Variants in TRAPPC8 observed in about 807,000 individuals in gnomAD.
The protein encoded by TRAPPC8 is general sporulation gene 1 homolog.
In TRAPPC8, 54 loss-of-function variants were observed where a neutral mutation model predicts 174.3. That is an observed-to-expected ratio of 0.31 (90% CI 0.25 to 0.39). The LOEUF is 0.39. Ranked by LOEUF, TRAPPC8 falls within the 10% of genes least tolerant of loss-of-function variation. TRAPPC8 has a pLI of 1.00. For missense variants in TRAPPC8, 1,531 were observed against 1,699.1 expected (o/e 0.90, Z 1.74); for synonymous variants, 630 against 579.9 (o/e 1.09, Z -1.24).
At chr18:31,881,144 T>C (rs2035431914) in intron 12 of TRAPPC8, among the ~76,000 whole-genome samples, 1 of 152,094 alleles carries the variant, frequency 6.6e-6, no homozygotes, top group African/African-American at 2.4e-5. Flanking sequence ...AAAAAACTAT[T>C]CTAAAATTCA....
intron 20 of TRAPPC8, among the ~76,000 whole-genome samples, chr18:31,856,423 G>A (rs1363312914): frequency 1.3e-5 from 2 of 149,276 alleles, no homozygotes; most frequent in Non-Finnish European, 3.0e-5. Context: ...CAGCCATATT[G>A]GTCAGGCTGG....
intron 1 of TRAPPC8, among the ~76,000 whole-genome samples, chr18:31,932,265 A>G (rs1420789088): frequency 1.3e-5 from 2 of 152,100 alleles, no homozygotes; most frequent in Admixed American, 6.6e-5. Flanking sequence ...GTCTCTAGTA[A>G]AAATACAAAA....
At chr18:31,889,982 A>G (rs2035884584) in intron 12 of TRAPPC8, among the ~76,000 whole-genome samples, 1 of 152,246 alleles carries the variant, frequency 6.6e-6, no homozygotes, top group Non-Finnish European at 1.5e-5. Context: ...TAGTAAATTC[A>G]TATTAACTAA....
At chr18:31,839,591 T>A in intron 26 of TRAPPC8, 134 bp from the exon 27 acceptor site, 1 of 722,034 alleles carries the variant, frequency 1.4e-6, no homozygotes, top group African/African-American at 1.8e-5. Context: ...TTTCTGCTGT[T>A]AAGCTAATAG....
intron 20 of TRAPPC8, among the ~76,000 whole-genome samples, chr18:31,856,201 A>G (rs1391916947): frequency 1.3e-5 from 2 of 151,948 alleles, no homozygotes; most frequent in Admixed American, 6.6e-5. Flanking sequence ...TCTGCCTCCC[A>G]GATCAAGCGA....
chr18:31,907,701 G>A, intron 8 of TRAPPC8, 91 bp from the exon 9 acceptor site: 1 of 1,113,920 alleles, frequency 9.0e-7, no homozygotes, highest in Non-Finnish European at 1.2e-6. Flanking sequence ...TGTTCTTCTA[G>A]AATATGAAGA....
At position 31,896,896 on chromosome 18, in the gene TRAPPC8, T is replaced by C. The variant is rs568522157; in HGVS notation, c.1596+890A>G. ...GCCTCGGCCTCCCAGAGTGCTAGGA[T>C]TACAGGCATGAGCCATCATGCCTGG... On this transcript the variant is annotated intron_variant, in intron 11 of 28. Transcript: ENST00000283351. 3.0e-3 allele frequency among the ~76,000 whole-genome samples: 458 copies of C among 152,298 alleles called. 6 individuals are homozygous for C. The highest frequency in any genetic ancestry group is 0.011 in the African/African-American group (443 of 41,562).
At chr18:31,906,304 GAAAAAAAA>G (rs560619669) in intron 9 of TRAPPC8, among the ~76,000 whole-genome samples, 3 of 91,168 alleles carry the variant, frequency 3.3e-5, no homozygotes, top group African/African-American at 1.2e-4. Context: ...CTGTCTCCAG[GAAAAAAAA>G]AAAAAAAAAA....
chr18:31,892,237 G>C (rs1421080950), intron 11 of TRAPPC8, among the ~76,000 whole-genome samples: 1 of 152,076 alleles, frequency 6.6e-6, no homozygotes. Context: ...CAGCTTAATA[G>C]TGTTGTGTCA....
At chr18:31,887,014 C>G (rs1490654376) in intron 12 of TRAPPC8, among the ~76,000 whole-genome samples, 6 of 152,088 alleles carry the variant, frequency 3.9e-5, no homozygotes, top group African/African-American at 1.4e-4. Flanking sequence ...CATGAATTCT[C>G]AAATAGAGGA....
rs935116229 is a variant in TRAPPC8 at position 31,937,188 on chromosome 18, G to T, written c.157+5420C>A. ...GAGACGCACCACTGCACTCCAGCCTGGGTGACAGAGCGAGACTCCGTCTCA... is the reference window on the plus strand; with the variant it reads ...GAGACGCACCACTGCACTCCAGCCTTGGTGACAGAGCGAGACTCCGTCTCA... On this transcript the variant is annotated intron_variant, in intron 1 of 28. Transcript: ENST00000283351. Among the ~76,000 whole-genome samples the T allele has an allele frequency of 1.2e-4, 19 of 152,306 alleles. No individual in the cohort carries two copies. In the East Asian group the frequency reaches 3.1e-3, roughly 25 times the overall value.
intron 5 of TRAPPC8, among the ~76,000 whole-genome samples, chr18:31,910,307 A>C (rs547819933): frequency 1.3e-5 from 2 of 152,300 alleles, no homozygotes; most frequent in East Asian, 3.9e-4. Flanking sequence ...AAAAATACCC[A>C]GACTACTCTA....
chr18:31,919,215 C>T (rs2037270992), intron 2 of TRAPPC8, among the ~76,000 whole-genome samples: 1 of 152,140 alleles, frequency 6.6e-6, no homozygotes, highest in Admixed American at 6.6e-5. Flanking sequence ...ATGGGCAGGG[C>T]ATGGCGTTTC....
At chr18:31,930,264 C>T (rs1319403208) in intron 2 of TRAPPC8, among the ~76,000 whole-genome samples, 1 of 151,856 alleles carries the variant, frequency 6.6e-6, no homozygotes, top group African/African-American at 2.4e-5. Context: ...GGATTACAGG[C>T]ACCTGCCACC....
chr18:31,905,727 G>A (rs1411124902), intron 9 of TRAPPC8, among the ~76,000 whole-genome samples: 1 of 152,048 alleles, frequency 6.6e-6, no homozygotes, highest in East Asian at 1.9e-4. Flanking sequence ...AGCTTTTAAA[G>A]GCTAAGTGAT....
intron 9 of TRAPPC8, among the ~76,000 whole-genome samples, chr18:31,904,767 C>T (rs2036587614): frequency 2.0e-5 from 3 of 152,054 alleles, no homozygotes; most frequent in South Asian, 4.1e-4. Flanking sequence ...CAGTGGATCA[C>T]GCCTGTAATT....
chr18:31,836,207 T>C (rs969833927), intron 27 of TRAPPC8, among the ~76,000 whole-genome samples: 1 of 152,184 alleles, frequency 6.6e-6, no homozygotes, highest in Non-Finnish European at 1.5e-5. Context: ...GCCCAAGCAT[T>C]GGAAATGTCA....
chr18:31,909,704 G>C lies in TRAPPC8; in HGVS notation c.828C>G (p.Asn276Lys), dbSNP rs1200666515. Residue 276 changes from asparagine (N) to lysine (K), a missense_variant, in exon 6 of 29, where the codon AAC becomes AAG. Physicochemically the swap from Asn to Lys is moderately conservative, Grantham distance 94 (BLOSUM62 0). Coordinates refer to ENST00000283351, the MANE Select transcript of TRAPPC8 (RefSeq NM_014939.5). Reference sequence around the variant, plus strand: ...TATCTAATCCATCCAATGAAAGCAAGTTATTATCAGAATTCTTATTTGAAG... The same window carrying C: ...TATCTAATCCATCCAATGAAAGCAACTTATTATCAGAATTCTTATTTGAAG... ...TITSNKNSDN[N>K]LLSLDGLDNE... 1.2e-6 allele frequency: 2 copies of C among 1,600,812 alleles called. No homozygotes were observed. Among genetic ancestry groups the C allele is most frequent in the South Asian group, 1.1e-5 (1 of 88,056 alleles).
At chr18:31,884,216 T>G (rs1278779144) in intron 12 of TRAPPC8, among the ~76,000 whole-genome samples, 1 of 151,766 alleles carries the variant, frequency 6.6e-6, no homozygotes, top group Non-Finnish European at 1.5e-5. Flanking sequence ...CAGATGGGAG[T>G]TTCCAGAGCA....
Sources: gnomAD v4.1 joint callset for allele counts (sites outside exome capture counted in the v4.1 genomes callset) on GRCh38, gnomAD v4.1.1 for gene constraint, MANE v1.5 for transcripts, NCBI Gene and HGNC (gene_info 2026-07-23, HGNC 2026-07-21) for gene names.